Variants in EPN2 observed in about 807,000 individuals in gnomAD.
EPN2 encodes epsin-2.
In EPN2, 34 loss-of-function variants were observed where a neutral mutation model predicts 61.7. That is an observed-to-expected ratio of 0.55 (90% CI 0.42 to 0.73). EPN2 has a LOEUF of 0.73. Among genes scored for constraint, EPN2 ranks in the 30% least tolerant of loss-of-function variants. The pLI is 0.00. For synonymous variants in EPN2, 349 were observed against 353.6 expected (o/e 0.99, Z 0.15); for missense variants, 714 against 839.2 (o/e 0.85, Z 1.84).
At chr17:19,290,700 CAA>C (rs757256478) in intron 4 of EPN2, among the ~76,000 whole-genome samples, 5 of 41,010 alleles carry the variant, frequency 1.2e-4, no homozygotes, top group Non-Finnish European at 2.1e-4. Context: ...TTCCCGTTCT[CAA>C]AAAAAAAAAA....
intron 1 of EPN2, chr17:19,248,512 G>A (rs998359459): frequency 6.6e-6 from 1 of 152,148 alleles, no homozygotes; most frequent in Non-Finnish European, 1.5e-5. Context: ...AAAGATAGTT[G>A]TAATGTGGAG....
At chr17:19,308,029 A>G in intron 4 of EPN2, 1 of 984,154 alleles carries the variant, frequency 1.0e-6, no homozygotes, top group Non-Finnish European at 1.2e-6. Flanking sequence ...TAGGTTTCCT[A>G]AAATAGATGT....
chr17:19,302,399 G>A (rs368522881), intron 4 of EPN2, among the ~76,000 whole-genome samples: 3 of 152,318 alleles, frequency 2.0e-5, no homozygotes, highest in East Asian at 1.9e-4. Flanking sequence ...ATTTATAGCC[G>A]CTCCCCATCA....
intron 1 of EPN2, chr17:19,276,608 T>G: frequency 6.6e-6 from 1 of 152,050 alleles, no homozygotes; most frequent in East Asian, 1.9e-4. Context: ...TTTAAAAATA[T>G]TTCAAGTTTT....
chr17:19,272,260 G>A (rs1039554630), intron 1 of EPN2, among the ~76,000 whole-genome samples: 1 of 152,138 alleles, frequency 6.6e-6, no homozygotes, highest in African/African-American at 2.4e-5. Flanking sequence ...GGGTCACAGC[G>A]GCCATCCTCA....
At chr17:19,299,990 C>G (rs1905398221) in intron 4 of EPN2, among the ~76,000 whole-genome samples, 1 of 152,322 alleles carries the variant, frequency 6.6e-6, no homozygotes, top group Non-Finnish European at 1.5e-5. Context: ...CTGACGTGGC[C>G]CCTGCTTTCC....
chr17:19,259,883 G>A (rs567399065), intron 1 of EPN2, among the ~76,000 whole-genome samples: 3 of 152,294 alleles, frequency 2.0e-5, no homozygotes, highest in Middle Eastern at 6.8e-3. Flanking sequence ...GGCCTGTGGC[G>A]TTTCTTCACT....
intron 4 of EPN2, among the ~76,000 whole-genome samples, chr17:19,304,338 C>T (rs776790708): frequency 6.6e-6 from 1 of 152,146 alleles, no homozygotes; most frequent in South Asian, 2.1e-4. Flanking sequence ...GGAAGCGTTT[C>T]ACTGCTGTTC....
At chr17:19,329,705 T>C (rs984911607) in intron 9 of EPN2, 58 bp downstream of exon 9, 2 of 1,027,910 alleles carry the variant, frequency 1.9e-6, no homozygotes, top group South Asian at 1.4e-5. Flanking sequence ...AGCTGAGTTA[T>C]TGCAGAAATA....
intron 1 of EPN2, among the ~76,000 whole-genome samples, chr17:19,275,979 T>C (rs1049911137): frequency 2.0e-5 from 3 of 152,324 alleles, no homozygotes; most frequent in Middle Eastern, 3.4e-3. Context: ...TTGCTGTTGG[T>C]TGGAATTTAT....
At chr17:19,322,679 G>A (rs185767305) in intron 7 of EPN2, among the ~76,000 whole-genome samples, 1 of 151,126 alleles carries the variant, frequency 6.6e-6, no homozygotes, top group Non-Finnish European at 1.5e-5. Context: ...GGTTGAAACT[G>A]CAGTGAGCTG....
chr17:19,261,425 G>T (rs955110080), intron 1 of EPN2, among the ~76,000 whole-genome samples: 1 of 152,154 alleles, frequency 6.6e-6, no homozygotes, highest in Non-Finnish European at 1.5e-5. Flanking sequence ...TGGGTTATTG[G>T]TTTTTTCTCA....
intron 1 of EPN2, among the ~76,000 whole-genome samples, chr17:19,247,440 A>G (rs910981377): frequency 1.7e-4 from 26 of 152,256 alleles, no homozygotes; most frequent in Non-Finnish European, 2.6e-4. Flanking sequence ...CAGGGAAGCT[A>G]TCAGGAGAAG....
At position 19,335,673 on chromosome 17, in the gene EPN2, A is replaced by T; in HGVS notation, c.*1419A>T. ...TGATCCACCTACCTGCTAACTCCAG[A>T]TATTATTTTTAAGTTGGAGACCTAA... On this transcript the variant is annotated 3_prime_UTR_variant, in exon 11 of 11. Coordinates refer to ENST00000314728, the MANE Select transcript of EPN2 (RefSeq NM_014964.5). 2.4e-6 allele frequency: 1 copy of T among 408,738 alleles called. No homozygotes were observed. Among genetic ancestry groups the T allele is most frequent in the East Asian group, 3.5e-5 (1 of 28,198 alleles). 25.3% of individuals were successfully genotyped at this position (408,738 alleles called of 1,614,324 possible). A position where few individuals can be genotyped will look rare whatever the true frequency, so the allele number is the denominator to read the frequency against.
intron 1 of EPN2, among the ~76,000 whole-genome samples, chr17:19,244,454 T>A (rs1447291755): frequency 6.8e-6 from 1 of 147,856 alleles, no homozygotes; most frequent in Non-Finnish European, 1.5e-5. Flanking sequence ...GTGTGACTCT[T>A]CTCAAAAAAA....
chr17:19,325,352 A>G (rs1331125477), intron 7 of EPN2, among the ~76,000 whole-genome samples: 2 of 152,256 alleles, frequency 1.3e-5, no homozygotes, highest in Non-Finnish European at 2.9e-5. Flanking sequence ...TCCTAAGGAA[A>G]GAAACAATTA....
At chr17:19,258,549 G>A (rs1235121576) in intron 1 of EPN2, among the ~76,000 whole-genome samples, 5 of 152,168 alleles carry the variant, frequency 3.3e-5, no homozygotes, top group Non-Finnish European at 5.9e-5. Flanking sequence ...TTTCCACACA[G>A]TTTATTGCCT....
rs1907404591 is a variant in EPN2, at chr17:19,335,929, T to C, written c.*1675T>C. On this transcript the variant is annotated 3_prime_UTR_variant, in exon 11 of 11. Coordinates refer to ENST00000314728, the MANE Select transcript of EPN2 (RefSeq NM_014964.5). Reference sequence around the variant, plus strand: ...CTGGGCAGCTTGCCTGGTGGATGTTTCTGGCCCTTTTTCCACCATGGGAAT... The same window carrying C: ...CTGGGCAGCTTGCCTGGTGGATGTTCCTGGCCCTTTTTCCACCATGGGAAT... The C allele has an allele frequency of 1.3e-5, 2 of 152,944 alleles. No individual in the cohort carries two copies. Among genetic ancestry groups the C allele is most frequent in the African/African-American group, 4.8e-5 (2 of 41,484 alleles). The allele number at this position is 152,944 out of a possible 1,614,324, so 9.5% of individuals were successfully genotyped here.
At chr17:19,247,471 T>C (rs1329257592) in intron 1 of EPN2, among the ~76,000 whole-genome samples, 1 of 152,206 alleles carries the variant, frequency 6.6e-6, no homozygotes, top group African/African-American at 2.4e-5. Context: ...AGCTGGACCT[T>C]GAAGAACAAG....
Sources: gnomAD v4.1 joint callset for allele counts (sites outside exome capture counted in the v4.1 genomes callset) on GRCh38, gnomAD v4.1.1 for gene constraint, MANE v1.5 for transcripts, NCBI Gene and HGNC (gene_info 2026-07-23, HGNC 2026-07-21) for gene names.